PTPRG: variants seen among roughly 807,000 people sequenced by gnomAD.
PTPRG encodes the protein protein tyrosine phosphatase receptor type G.
A neutral mutation model predicts 165.3 loss-of-function variants in PTPRG; 102 were observed. The observed-to-expected ratio is 0.62, with a 90% CI of 0.53 to 0.73. The LOEUF is 0.73. Among genes scored for constraint, PTPRG ranks in the 30% least tolerant of loss-of-function variants. The probability of loss-of-function intolerance (pLI) is 0.00; values close to 1 mark genes in which losing one functional copy is unlikely to be tolerated. For missense variants in PTPRG, 1,866 were observed against 1,861.4 expected (o/e 1.00, Z -0.05); for synonymous variants, 675 against 669.5 (o/e 1.01, Z -0.13).
At chr3:62,046,905 C>A (rs560452629) in intron 4 of PTPRG, among the ~76,000 whole-genome samples, 1 of 152,258 alleles carries the variant, frequency 6.6e-6, no homozygotes, top group African/African-American at 2.4e-5. Flanking sequence ...TTACAGGATG[C>A]AAGACTGTGC....
chr3:62,202,050 G>A (rs1326938209), intron 11 of PTPRG, among the ~76,000 whole-genome samples: 1 of 152,102 alleles, frequency 6.6e-6, no homozygotes, highest in Non-Finnish European at 1.5e-5. Flanking sequence ...TGGGTTTCAG[G>A]CACAGATTAT....
At chr3:61,792,336 C>A (rs1031868552) in intron 2 of PTPRG, among the ~76,000 whole-genome samples, 3 of 151,986 alleles carry the variant, frequency 2.0e-5, no homozygotes, top group Non-Finnish European at 2.9e-5. Flanking sequence ...AGGCACCCAC[C>A]CCCGTCACCC....
chr3:62,132,075 C>T (rs564565424), intron 5 of PTPRG, among the ~76,000 whole-genome samples: 4 of 152,266 alleles, frequency 2.6e-5, no homozygotes, highest in African/African-American at 9.6e-5. Context: ...GAGACACTGT[C>T]TCTTCAAGCT....
chr3:62,244,075 AG>A (rs1701231052), intron 15 of PTPRG, among the ~76,000 whole-genome samples, 177 bp downstream of exon 15: 1 of 152,256 alleles, frequency 6.6e-6, no homozygotes, highest in Non-Finnish European at 1.5e-5. Flanking sequence ...TAGGCAGGAA[AG>A]GGAAGTACAG....
At chr3:62,021,601 A>T (rs2041692926) in intron 4 of PTPRG, among the ~76,000 whole-genome samples, 1 of 152,210 alleles carries the variant, frequency 6.6e-6, no homozygotes, top group Non-Finnish European at 1.5e-5. Context: ...AGAATGTTTC[A>T]TCTCAAAGTG....
chr3:62,102,894 A>G (rs1328459917), intron 5 of PTPRG, among the ~76,000 whole-genome samples: 1 of 152,170 alleles, frequency 6.6e-6, no homozygotes, highest in Non-Finnish European at 1.5e-5. Flanking sequence ...TAAATTGAAG[A>G]CTTAGTATTG....
chr3:62,292,315 A>T, intron 28 of PTPRG, 106 bp from the exon 29 acceptor site: 1 of 1,271,696 alleles, frequency 7.9e-7, no homozygotes, highest in South Asian at 1.5e-5. Context: ...AGTAAATGTC[A>T]AAACAGTCTA....
At chr3:61,740,967 T>C (rs2032958309) in intron 1 of PTPRG, among the ~76,000 whole-genome samples, 1 of 152,222 alleles carries the variant, frequency 6.6e-6, no homozygotes, top group African/African-American at 2.4e-5. Flanking sequence ...TTTTACTTTT[T>C]GGGACACTCA....
chr3:61,771,992 G>A (rs536772649), intron 2 of PTPRG, among the ~76,000 whole-genome samples: 6 of 150,682 alleles, frequency 4.0e-5, no homozygotes, highest in Non-Finnish European at 8.9e-5. Context: ...CCTGAGAGGC[G>A]GAGGGTGCAG....
intron 8 of PTPRG, among the ~76,000 whole-genome samples, chr3:62,188,491 A>G (rs1699720793): frequency 6.6e-6 from 1 of 152,236 alleles, no homozygotes; most frequent in Non-Finnish European, 1.5e-5. Context: ...GAGTCCCAGA[A>G]TGTTCACAAT....
intron 4 of PTPRG, among the ~76,000 whole-genome samples, chr3:62,047,281 A>G (rs1309460652): frequency 2.0e-5 from 3 of 146,536 alleles, no homozygotes; most frequent in African/African-American, 5.0e-5. Context: ...TTTTATTGAG[A>G]TGGAGTCTTG....
At position 62,139,732 on chromosome 3, in the gene PTPRG, C is replaced by T. The variant is rs575877247; in HGVS notation, c.682+7064C>T. Among the ~76,000 whole-genome samples, 4 of 152,344 alleles carry T rather than the reference C, an allele frequency of 2.6e-5. No homozygotes were observed. The South Asian group carries it at 8.3e-4, about 32-fold the overall frequency. ...AACTTTTCTAGCAGACCAGCTTTCT[C>T]ATGTGACTAGTTTGTTCACTTGGCT... On this transcript the variant is annotated intron_variant, in intron 6 of 29. Coordinates refer to ENST00000474889, the MANE Select transcript of PTPRG (RefSeq NM_002841.4).
chr3:62,001,693 C>G (rs1310228069), intron 3 of PTPRG, among the ~76,000 whole-genome samples: 2 of 151,996 alleles, frequency 1.3e-5, no homozygotes, highest in East Asian at 3.8e-4. Flanking sequence ...CCCATTTTTA[C>G]ATTTTTAAAT....
chr3:62,028,558 C>T (rs1437575769), intron 4 of PTPRG, among the ~76,000 whole-genome samples: 2 of 152,186 alleles, frequency 1.3e-5, no homozygotes, highest in Non-Finnish European at 2.9e-5. Flanking sequence ...AGCCTTGCCA[C>T]CGTATTATGT....
rs538025426 is a variant in PTPRG at position 62,220,163 on chromosome 3, CAG to C, written c.2288+1181_2288+1182del. ...GGTCAGTGGGGCTGAGACGTGAAGACAGGGGTAAGGTGGCAGAAAAGGGTATC... is the reference window on the plus strand; with the variant it reads ...GGTCAGTGGGGCTGAGACGTGAAGACGGGTAAGGTGGCAGAAAAGGGTATC... On this transcript the variant is annotated intron_variant, in intron 13 of 29. Transcript: ENST00000474889. 7.2e-5 allele frequency among the ~76,000 whole-genome samples: 11 copies of C among 152,324 alleles called. No individual in the cohort carries two copies. The East Asian group carries it at 7.7e-4, about 11-fold the overall frequency.
rs116692689 is a variant in PTPRG, at chr3:62,249,945, T to C, written c.2468-5179T>C. On this transcript the variant is annotated intron_variant, in intron 15 of 29. Coordinates refer to ENST00000474889, the MANE Select transcript of PTPRG (RefSeq NM_002841.4). ...TAGCCTTGGCAAGCTTCTTGGTCCC[T>C]GTTAGGCAGTTTCCTCATCTAGAAA... is the stretch of plus-strand genomic sequence containing the variant. 2.7e-3 allele frequency among the ~76,000 whole-genome samples: 417 copies of C among 152,318 alleles called. 1 individual carries two copies. The highest frequency in any genetic ancestry group is 9.8e-3 in the African/African-American group (406 of 41,570).
At chr3:62,149,845 C>G (rs1002733973) in intron 6 of PTPRG, among the ~76,000 whole-genome samples, 1 of 152,178 alleles carries the variant, frequency 6.6e-6, no homozygotes, top group Non-Finnish European at 1.5e-5. Flanking sequence ...ATTGTACTTA[C>G]CCAAAAGCTG....
At chr3:62,010,370 T>TTGTGTGTGTGTGTGTG (rs35894531) in intron 4 of PTPRG, among the ~76,000 whole-genome samples, 1,944 of 149,546 alleles carry the variant, frequency 0.013, 21 homozygotes, top group South Asian at 0.039. Context: ...CCCTCTCTTC[T>TTGTGTGTGTGTGTGTG]TGTGTGTGTG....
intron 2 of PTPRG, among the ~76,000 whole-genome samples, chr3:61,940,146 C>T (rs1174073955): frequency 2.0e-5 from 3 of 151,756 alleles, no homozygotes; most frequent in Non-Finnish European, 4.4e-5. Flanking sequence ...AGGGTTTTAC[C>T]AGGTTGGCCA....
Sources: allele counts gnomAD v4.1 joint callset (sites outside exome capture counted in the v4.1 genomes callset), GRCh38; gene constraint gnomAD v4.1.1; transcripts MANE v1.5; gene names NCBI Gene and HGNC (gene_info 2026-07-23, HGNC 2026-07-21).